Variants in BANK1 observed in about 807,000 individuals in gnomAD.
BANK1 encodes the protein B cell scaffold protein with ankyrin repeats 1.
A neutral mutation model predicts 94.5 loss-of-function variants in BANK1; 95 were observed. That is an observed-to-expected ratio of 1.00 (90% CI 0.85 to 1.19). The LOEUF is 1.19. BANK1 is among the 50% of genes most tolerant of loss of function. The pLI is 0.00. For synonymous variants in BANK1, 334 were observed against 308.4 expected (o/e 1.08, Z -0.87); for missense variants, 987 against 932.2 (o/e 1.06, Z -0.77).
chr4:101,808,480 A>G (rs1298497484), intron 1 of BANK1, among the ~76,000 whole-genome samples: 1 of 152,216 alleles, frequency 6.6e-6, no homozygotes, highest in Admixed American at 6.5e-5. Flanking sequence ...AATGTAAGCT[A>G]GAAAAATTGT....
intron 3 of BANK1, among the ~76,000 whole-genome samples, chr4:101,857,334 A>C (rs1268032522): frequency 6.6e-6 from 1 of 152,182 alleles, no homozygotes; most frequent in Non-Finnish European, 1.5e-5. Flanking sequence ...TGTTTCCAGC[A>C]TGCTAACACT....
intron 7 of BANK1, among the ~76,000 whole-genome samples, chr4:101,920,970 G>A (rs200640677): frequency 6.6e-6 from 1 of 151,788 alleles, no homozygotes; most frequent in East Asian, 1.9e-4. Flanking sequence ...GGGAGGAAGA[G>A]AAAGGAGAGA....
chr4:101,978,236 T>G (rs1427016460), intron 7 of BANK1, among the ~76,000 whole-genome samples: 1 of 152,084 alleles, frequency 6.6e-6, no homozygotes, highest in Non-Finnish European at 1.5e-5. Context: ...ATGATGAACT[T>G]TATTTTTAGA....
intron 5 of BANK1, among the ~76,000 whole-genome samples, chr4:101,891,646 A>G (rs1578381597): frequency 2.0e-5 from 3 of 152,164 alleles, no homozygotes; most frequent in East Asian, 3.9e-4. Flanking sequence ...TTATAGTCTT[A>G]AAAGTGCTTG....
intron 7 of BANK1, among the ~76,000 whole-genome samples, chr4:102,009,167 A>C (rs1726402342): frequency 6.6e-6 from 1 of 152,214 alleles, no homozygotes. Flanking sequence ...ACTTATCCCC[A>C]TGTGTGCTCC....
intron 7 of BANK1, among the ~76,000 whole-genome samples, chr4:101,965,826 G>T (rs890277019): frequency 6.6e-6 from 1 of 152,002 alleles, no homozygotes; most frequent in Non-Finnish European, 1.5e-5. Flanking sequence ...TACTGATGTA[G>T]CCTTTCTTCA....
In BANK1 at chr4:101,803,137, T is replaced by C. The variant is rs751253360; in HGVS notation, c.70+12187T>C. 2.2e-4 allele frequency among the ~76,000 whole-genome samples: 33 copies of C among 152,236 alleles called. 2 individuals carry two copies. The highest frequency in any genetic ancestry group is 4.6e-4 in the Non-Finnish European group (31 of 68,042). ...GTCTCAACATTGATAGAGAAATAAGTTCTTTTGAACAAATTTGTCATCTCT... is the reference window on the plus strand; with the variant it reads ...GTCTCAACATTGATAGAGAAATAAGCTCTTTTGAACAAATTTGTCATCTCT... On this transcript the variant is annotated intron_variant, in intron 1 of 16. Transcript: ENST00000322953.
chr4:101,931,905 G>A (rs543999385), intron 7 of BANK1, among the ~76,000 whole-genome samples: 1 of 151,402 alleles, frequency 6.6e-6, no homozygotes, highest in Non-Finnish European at 1.5e-5. Context: ...ATGGGCCATG[G>A]CAAAGCTATA....
At chr4:102,022,425 A>G (rs76987783) in intron 8 of BANK1, among the ~76,000 whole-genome samples, 175 of 152,254 alleles carry the variant, frequency 1.1e-3, no homozygotes, top group African/African-American at 3.9e-3. Context: ...AAACATTCCC[A>G]GCATTCAGCC....
At chr4:101,982,538 A>T (rs1281566544) in intron 7 of BANK1, among the ~76,000 whole-genome samples, 1 of 152,054 alleles carries the variant, frequency 6.6e-6, no homozygotes, top group Non-Finnish European at 1.5e-5. Context: ...TAAATATTAG[A>T]TTCTCTTTAA....
intron 8 of BANK1, 39 bp from the exon 9 acceptor site, chr4:102,025,162 T>C: frequency 6.3e-7 from 1 of 1,589,842 alleles, no homozygotes; most frequent in Non-Finnish European, 8.6e-7. Flanking sequence ...CTTCAGATGG[T>C]GTGTTTAAAT....
intron 1 of BANK1, among the ~76,000 whole-genome samples, chr4:101,820,010 T>C (rs1423394228): frequency 3.3e-5 from 5 of 151,652 alleles, no homozygotes; most frequent in African/African-American, 1.2e-4. Flanking sequence ...GTTTGTCTAC[T>C]GACTCCTGCT....
chr4:102,018,613 T>G (rs1726791037), intron 7 of BANK1, among the ~76,000 whole-genome samples: 1 of 152,210 alleles, frequency 6.6e-6, no homozygotes, highest in Non-Finnish European at 1.5e-5. Flanking sequence ...ACATTAAACA[T>G]TCTGTGCTAC....
chr4:102,010,223 C>CGA (rs1726454004), intron 7 of BANK1, among the ~76,000 whole-genome samples: 1 of 151,782 alleles, frequency 6.6e-6, no homozygotes, highest in Non-Finnish European at 1.5e-5. Flanking sequence ...AGAGATCCAG[C>CGA]CACTGCACTC....
At chr4:102,064,288 A>ATACT (rs1472671493) in intron 13 of BANK1, among the ~76,000 whole-genome samples, 1 of 152,204 alleles carries the variant, frequency 6.6e-6, no homozygotes, top group African/African-American at 2.4e-5. Context: ...AAACACAAAT[A>ATACT]TACTTTCTAA....
At chr4:102,021,705 G>T (rs1726907562) in intron 8 of BANK1, 113 bp downstream of exon 8, 5 of 397,932 alleles carry the variant, frequency 1.3e-5, no homozygotes, top group African/African-American at 2.1e-5. Context: ...ATGTGGCACG[G>T]TATTTAATTA....
chr4:101,844,051 G>A (rs1287940206), intron 2 of BANK1, among the ~76,000 whole-genome samples: 1 of 152,150 alleles, frequency 6.6e-6, no homozygotes, highest in Non-Finnish European at 1.5e-5. Flanking sequence ...CTAAATCAGT[G>A]GATTTTATTG....
chr4:101,945,296 T>C (rs1007190718), intron 7 of BANK1, among the ~76,000 whole-genome samples: 1 of 151,976 alleles, frequency 6.6e-6, no homozygotes, highest in African/African-American at 2.4e-5. Flanking sequence ...ATTATTTTTT[T>C]CCTTATCATT....
At chr4:102,003,778 A>G (rs1022222725) in intron 7 of BANK1, among the ~76,000 whole-genome samples, 3 of 152,084 alleles carry the variant, frequency 2.0e-5, no homozygotes, top group African/African-American at 7.2e-5. Flanking sequence ...ATATGCATAC[A>G]CACAGATATA....
Sources: gnomAD v4.1 joint callset for allele counts (sites outside exome capture counted in the v4.1 genomes callset) on GRCh38, gnomAD v4.1.1 for gene constraint, MANE v1.5 for transcripts, NCBI Gene and HGNC (gene_info 2026-07-23, HGNC 2026-07-21) for gene names.